The following SOX5 variants were observed in gnomAD, a reference collection of about 807,000 sequenced individuals.
The protein encoded by SOX5 is transcription factor SOX-5.
SOX5 carries 9 observed loss-of-function variants against 92.0 expected under a neutral mutation model. The observed-to-expected ratio is 0.10, with a 90% CI of 0.06 to 0.17. The LOEUF (loss-of-function observed/expected upper bound fraction) is 0.17. Among genes scored for constraint, SOX5 ranks in the 10% least tolerant of loss-of-function variants. The pLI, the probability that SOX5 is intolerant of heterozygous loss-of-function variation, is 1.00. For missense variants in SOX5, 642 were observed against 944.5 expected, an observed-to-expected ratio of 0.68 and a Z score of 4.20; for synonymous variants, 344 against 336.3, an observed-to-expected ratio of 1.02 and a Z score of -0.25.
chr12:23,882,460 G>GCCTGGGC (rs2097005317), intron 2 of SOX5, among the ~76,000 whole-genome samples: 1 of 151,756 alleles, frequency 6.6e-6, no homozygotes, highest in Non-Finnish European at 1.5e-5. Context: ...TGTTCATGCA[G>GCCTGGGC]GAAAATTAAG....
At chr12:24,066,211 G>A (rs912429985) in intron 4 of SOX5, among the ~76,000 whole-genome samples, 5 of 152,152 alleles carry the variant, frequency 3.3e-5, no homozygotes, top group Admixed American at 2.6e-4. Context: ...TGATATAGAA[G>A]GCTGATACAT....
intron 4 of SOX5, among the ~76,000 whole-genome samples, chr12:24,146,186 T>A (rs36029434): frequency 0.033 from 4,959 of 152,176 alleles, 99 homozygotes; most frequent in South Asian, 0.07. Context: ...CAGCATATAT[T>A]TTTTTTCTCA....
At chr12:23,923,053 C>T (rs970260996) in intron 1 of SOX5, among the ~76,000 whole-genome samples, 5 of 151,872 alleles carry the variant, frequency 3.3e-5, no homozygotes, top group African/African-American at 1.2e-4. Flanking sequence ...TCCCGCCATT[C>T]TCCTGCCTCA....
intron 7 of SOX5, among the ~76,000 whole-genome samples, chr12:23,648,663 C>T (rs1173700721): frequency 7.2e-5 from 11 of 152,086 alleles, no homozygotes; most frequent in Admixed American, 7.2e-4. Flanking sequence ...AAGAAACAAC[C>T]TGCTGACACT....
intron 3 of SOX5, among the ~76,000 whole-genome samples, chr12:24,260,970 A>T (rs1941998267): frequency 6.6e-6 from 1 of 152,200 alleles, no homozygotes; most frequent in South Asian, 2.1e-4. Context: ...TAATTTGCAC[A>T]TGCCTCAGAT....
At position 23,795,465 on chromosome 12, in the gene SOX5, T is replaced by C. The variant is rs534977531; in HGVS notation, c.482-39741A>G. ...TTTACCTTTTTAGACTACCTTTGGA[T>C]TTCCTTTTAACAGAGTTGACAGAAG... On this transcript the variant is annotated intron_variant, in intron 3 of 14. Coordinates refer to ENST00000451604, the MANE Select transcript of SOX5 (RefSeq NM_006940.6). Among the ~76,000 whole-genome samples, 5 of 152,256 alleles carry C rather than the reference T, an allele frequency of 3.3e-5. No homozygotes were observed. In the East Asian group the frequency reaches 9.7e-4, roughly 29 times the overall value.
At chr12:24,016,756 A>AT (rs968462247) in intron 4 of SOX5, among the ~76,000 whole-genome samples, 17 of 151,346 alleles carry the variant, frequency 1.1e-4, no homozygotes, top group African/African-American at 3.2e-4. Context: ...TTTTCCAAAG[A>AT]TTTTTTTTTT....
At chr12:24,061,861 G>A (rs1198967713) in intron 4 of SOX5, among the ~76,000 whole-genome samples, 1 of 152,006 alleles carries the variant, frequency 6.6e-6, no homozygotes, top group Non-Finnish European at 1.5e-5. Flanking sequence ...ATCAATCATA[G>A]GAACATTAAA....
chr12:23,770,002 T>G (rs1353366214), intron 3 of SOX5, among the ~76,000 whole-genome samples: 1 of 152,024 alleles, frequency 6.6e-6, no homozygotes, highest in African/African-American at 2.4e-5. Context: ...CTGTTGGAGT[T>G]TCTATAGTGC....
chr12:23,632,190 C>T (rs979627196), intron 8 of SOX5: 1 of 152,120 alleles, frequency 6.6e-6, no homozygotes, highest in African/African-American at 2.4e-5. Flanking sequence ...TTCTGTCTGT[C>T]TGCCCTCCAG....
intron 3 of SOX5, among the ~76,000 whole-genome samples, chr12:23,821,941 A>AGG (rs1308696081): frequency 0.47 from 70,474 of 151,032 alleles, 16,799 homozygotes; most frequent in East Asian, 0.84. Flanking sequence ...ATATATATAT[A>AGG]TAGTTTGTAT....
intron 4 of SOX5, among the ~76,000 whole-genome samples, chr12:24,024,289 A>G (rs1954636582): frequency 6.6e-6 from 1 of 152,044 alleles, no homozygotes; most frequent in Non-Finnish European, 1.5e-5. Context: ...TTTAACTACA[A>G]AATAATTTCT....
At chr12:23,787,424 T>G (rs1353482303) in intron 3 of SOX5, among the ~76,000 whole-genome samples, 1 of 152,012 alleles carries the variant, frequency 6.6e-6, no homozygotes, top group East Asian at 1.9e-4. Flanking sequence ...ACAAAAGATT[T>G]AAACCGACTA....
At chr12:24,060,235 A>G (rs111921726) in intron 4 of SOX5, among the ~76,000 whole-genome samples, 1 of 152,246 alleles carries the variant, frequency 6.6e-6, no homozygotes, top group Non-Finnish European at 1.5e-5. Flanking sequence ...AGCACTATGA[A>G]GTAGATACAA....
chr12:24,227,479 G>T (rs1962325539), intron 3 of SOX5: 2 of 152,174 alleles, frequency 1.3e-5, no homozygotes, highest in Admixed American at 1.3e-4. Context: ...AAAGCTCAGA[G>T]GTTCTATTAA....
chr12:24,289,927 T>C (rs1946426484), intron 2 of SOX5, among the ~76,000 whole-genome samples: 1 of 152,194 alleles, frequency 6.6e-6, no homozygotes, highest in Admixed American at 6.5e-5. Context: ...TCAAGTTTTC[T>C]GCACCTGAAG....
intron 3 of SOX5, among the ~76,000 whole-genome samples, chr12:23,810,424 A>C (rs2095857061): frequency 6.6e-6 from 1 of 152,198 alleles, no homozygotes; most frequent in Non-Finnish European, 1.5e-5. Context: ...GCAGGCTCAG[A>C]TCTTGGCAAC....
intron 11 of SOX5, among the ~76,000 whole-genome samples, chr12:23,552,634 G>A (rs1944422684): frequency 6.6e-6 from 1 of 151,934 alleles, no homozygotes; most frequent in Non-Finnish European, 1.5e-5. Context: ...TCAGGAGATA[G>A]AACACTGATC....
At position 24,542,401 on chromosome 12, in the gene SOX5, G is replaced by T. The variant is rs1262846030; in HGVS notation, c.-251+19928C>A. ...GGCTACTCTATGTATCCTTACAGCT[G>T]CCTGTACTTTTCCTCGATAATACAC... is the stretch of plus-strand genomic sequence containing the variant. On this transcript the variant is annotated intron_variant, in intron 1 of 4. Transcript: ENST00000446891. 3.3e-5 allele frequency among the ~76,000 whole-genome samples: 5 copies of T among 152,266 alleles called. No homozygotes were observed. The East Asian group carries it at 9.6e-4, about 29-fold the overall frequency.
Sources: allele counts gnomAD v4.1 joint callset (sites outside exome capture counted in the v4.1 genomes callset), GRCh38; gene constraint gnomAD v4.1.1; transcripts MANE v1.5; gene names NCBI Gene and HGNC (gene_info 2026-07-23, HGNC 2026-07-21).